Variants in TRIM14 observed in about 807,000 individuals in gnomAD.
The protein encoded by TRIM14 is tripartite motif containing 14.
In TRIM14, 28 loss-of-function variants were observed where a neutral mutation model predicts 44.5. The observed-to-expected ratio is 0.63, with a 90% CI of 0.47 to 0.86. TRIM14 has a LOEUF of 0.86. Among genes scored for constraint, TRIM14 ranks in the 40% least tolerant of loss-of-function variants. TRIM14 has a pLI of 0.00. For synonymous variants in TRIM14, 299 were observed against 269.2 expected (o/e 1.11, Z -1.08); for missense variants, 607 against 611.1 (o/e 0.99, Z 0.07).
At chr9:98,065,483 ATTTTTTT>A (rs397837187), downstream of TRIM14, among the ~76,000 whole-genome samples, 538 of 58,624 alleles carry the variant, frequency 9.2e-3, 1 homozygote, top group African/African-American at 0.04. Context: ...TGCCCAGCTA[ATTTTTTT>A]TTTTTTTTTT....
chr9:98,109,977 C>A lies in TRIM14; in HGVS notation c.215G>T (p.Ser72Ile). ...TGCCAGCTGCTTTAAACATTCTTGG[C>A]TGAGTTTCTGTACAGGAGGGAGTTA... ...LEAAVHVQKL[S>I]QECLKQLAIK... The change falls in exon 2 of 6, where the codon AGC becomes ATC. Residue 72 changes from serine (S) to isoleucine (I), a missense_variant. Physicochemically the swap from Ser to Ile is moderately radical, Grantham distance 142. This residue lies in a region of TRIM14 where 246 missense variants were observed against 270.8 expected (regional missense o/e 0.91). Coordinates refer to ENST00000341469, the MANE Select transcript of TRIM14 (RefSeq NM_014788.4). 6.2e-7 allele frequency: 1 copy of A among 1,613,810 alleles called. No individual in the cohort carries two copies. The highest frequency in any genetic ancestry group is 1.7e-5 in the Admixed American group (1 of 59,992).
In TRIM14 at chr9:98,092,009, G is replaced by A; in HGVS notation, c.701-8C>T. ...AGAGCTGGCAGTTTATGCCTGTAAG[G>A]AATTGTTGAGAAATGAGCGCCCGGA... On this transcript the variant is annotated splice_polypyrimidine_tract_variant and splice_region_variant and intron_variant, in intron 4 of 5. Transcript: ENST00000341469. 6.2e-7 allele frequency: 1 copy of A among 1,600,670 alleles called. No individual in the cohort carries two copies.
At chr9:98,103,702 G>A (rs1224944973) in intron 2 of TRIM14, among the ~76,000 whole-genome samples, 1 of 151,958 alleles carries the variant, frequency 6.6e-6, no homozygotes, top group Admixed American at 6.6e-5. Context: ...GCCAGGTGTG[G>A]TGGTGGGCAC....
chr9:98,067,050 T>C (rs115541665), downstream of TRIM14, among the ~76,000 whole-genome samples: 706 of 152,294 alleles, frequency 4.6e-3, 3 homozygotes, highest in African/African-American at 0.016. Context: ...TCATATAACA[T>C]TGTGTTTTCA....
intron 6 of TRIM14, among the ~76,000 whole-genome samples, chr9:98,070,284 A>G (rs1381815864): frequency 6.6e-6 from 1 of 151,602 alleles, no homozygotes; most frequent in Non-Finnish European, 1.5e-5. Context: ...TGCCCAGCTA[A>G]TTTTTGTATT....
At chr9:98,039,853 T>C in the TRIM14 span, among the ~76,000 whole-genome samples, 1 of 152,066 alleles carries the variant, frequency 6.6e-6, no homozygotes, top group Non-Finnish European at 1.5e-5. Flanking sequence ...ATTTGAGTAA[T>C]AATGAAACTC....
chr9:98,093,246 T>C (rs1826063301), intron 4 of TRIM14, among the ~76,000 whole-genome samples: 1 of 152,166 alleles, frequency 6.6e-6, no homozygotes, highest in South Asian at 2.1e-4. Flanking sequence ...TCCTTCGATA[T>C]GGCCAGCTCA....
chr9:98,083,741 A>C (rs2118090618), downstream of TRIM14, among the ~76,000 whole-genome samples: 1 of 152,332 alleles, frequency 6.6e-6, no homozygotes, highest in South Asian at 2.1e-4. Context: ...AATCCATAGC[A>C]TAGTGATTCA....
chr9:98,065,795 A>G (rs1044727105), downstream of TRIM14, among the ~76,000 whole-genome samples: 4 of 152,040 alleles, frequency 2.6e-5, no homozygotes, highest in South Asian at 2.1e-4. Flanking sequence ...TTCCCGTGCT[A>G]TTCTCATGAT....
chr9:98,112,575 C>T (rs1425383058), intron 1 of TRIM14, among the ~76,000 whole-genome samples: 4 of 151,756 alleles, frequency 2.6e-5, no homozygotes, highest in Non-Finnish European at 4.4e-5. Context: ...CCGAGGCAGG[C>T]AGATCACGAA....
chr9:98,068,456 T>C (rs979552144), downstream of TRIM14, among the ~76,000 whole-genome samples: 28 of 152,026 alleles, frequency 1.8e-4, no homozygotes, highest in East Asian at 5.8e-4. Context: ...CTTTTTTTTT[T>C]CCTTTATTTC....
chr9:98,083,037 C>G, downstream of TRIM14: 1 of 1,613,342 alleles, frequency 6.2e-7, no homozygotes, highest in Non-Finnish European at 8.5e-7. Context: ...ATAATCATGG[C>G]AAAAAAATCA....
In TRIM14 at chr9:98,104,601, G is replaced by A. The variant is rs563494284; in HGVS notation, c.304-4437C>T. On this transcript the variant is annotated intron_variant, in intron 2 of 5. Coordinates refer to ENST00000341469, the MANE Select transcript of TRIM14 (RefSeq NM_014788.4). ...TCATGGTCATGAAATAAGGAAGTAC[G>A]CCATCTGGTTTGGGTCCCACTGGTT... Among the ~76,000 whole-genome samples the A allele has an allele frequency of 4.6e-5, 7 of 152,266 alleles. No individual in the cohort carries two copies. The South Asian group carries it at 8.3e-4, about 18-fold the overall frequency.
At chr9:98,116,845 C>CAA (rs149202287) in intron 1 of TRIM14, among the ~76,000 whole-genome samples, 6 of 100,848 alleles carry the variant, frequency 5.9e-5, no homozygotes, top group African/African-American at 1.2e-4. Context: ...CCCTGTGTCT[C>CAA]AAAAAAAAAA....
At position 98,089,835 on chromosome 9, in the gene TRIM14, G is replaced by A. The variant is rs1195236921; in HGVS notation, c.794-1830C>T. On this transcript the variant is annotated intron_variant, in intron 5 of 5. Transcript: ENST00000341469. Reference sequence around the variant, plus strand: ...CCCCATTTAAAAGCCTCTGCTTTCTGCCCCAAAAGTGAGGCGGTACCGTTA... The same window carrying A: ...CCCCATTTAAAAGCCTCTGCTTTCTACCCCAAAAGTGAGGCGGTACCGTTA... 2.0e-5 allele frequency among the ~76,000 whole-genome samples: 3 copies of A among 152,104 alleles called. No homozygotes were observed. In the East Asian group the frequency reaches 5.8e-4, roughly 29 times the overall value.
downstream of TRIM14, among the ~76,000 whole-genome samples, chr9:98,065,604 G>A (rs780416364): frequency 3.3e-4 from 48 of 146,604 alleles, no homozygotes; most frequent in Non-Finnish European, 5.9e-4. Flanking sequence ...CTCCCAAAGT[G>A]TTAGGATTAC....
chr9:98,047,589 A>G, the TRIM14 span, among the ~76,000 whole-genome samples: 1 of 152,234 alleles, frequency 6.6e-6, no homozygotes, highest in South Asian at 2.1e-4. Flanking sequence ...TCTTTTCTGC[A>G]TTGCATTATC....
At chr9:98,100,225 C>G (rs577942690) in intron 2 of TRIM14, 61 bp from the exon 3 acceptor site, 1 of 1,471,246 alleles carries the variant, frequency 6.8e-7, no homozygotes, top group African/African-American at 1.4e-5. Context: ...CCAGAATAAT[C>G]AACATGAAAA....
chr9:98,111,428 A>T (rs1333875389), intron 1 of TRIM14, among the ~76,000 whole-genome samples: 1 of 151,946 alleles, frequency 6.6e-6, no homozygotes, highest in Non-Finnish European at 1.5e-5. Context: ...AACAAACAAA[A>T]CAAAACAAAA....
Sources: allele counts gnomAD v4.1 joint callset (sites outside exome capture counted in the v4.1 genomes callset), GRCh38; gene constraint gnomAD v4.1.1; regional missense constraint gnomAD v4.1.1; transcripts MANE v1.5; gene names NCBI Gene and HGNC (gene_info 2026-07-23, HGNC 2026-07-21).